The following DYNC2H1 variants were observed in gnomAD, a reference collection of about 807,000 sequenced individuals.
The protein encoded by DYNC2H1 is cytoplasmic dynein 2 heavy chain 1.
DYNC2H1 carries 410 observed loss-of-function variants against 570.0 expected under a neutral mutation model. That is an observed-to-expected ratio of 0.72 (90% CI 0.66 to 0.78). DYNC2H1 has a LOEUF of 0.78. DYNC2H1 is among the 30% of genes least tolerant of loss of function. DYNC2H1 has a pLI of 0.00. For missense variants in DYNC2H1, 4,865 were observed against 5,046.4 expected (o/e 0.96, Z 1.09); for synonymous variants, 1,688 against 1,677.6 (o/e 1.01, Z -0.15).
intron 79 of DYNC2H1, among the ~76,000 whole-genome samples, chr11:103,313,858 A>G (rs3906627): frequency 0.17 from 25,178 of 152,038 alleles, 2,266 homozygotes; most frequent in Admixed American, 0.25. Flanking sequence ...ACTTATGGGG[A>G]GGACTCATTG....
At chr11:103,143,124 G>A in intron 17 of DYNC2H1, 144 bp from the exon 18 acceptor site, 3 of 723,642 alleles carry the variant, frequency 4.1e-6, no homozygotes, top group Admixed American at 6.0e-5. Flanking sequence ...AGGCTGTGCA[G>A]TAATGATTAT....
At chr11:103,455,759 T>C (rs313873) in intron 86 of DYNC2H1, among the ~76,000 whole-genome samples, 44,559 of 152,006 alleles carry the variant, frequency 0.29, 7,726 homozygotes, top group African/African-American at 0.48. Context: ...ACTAGGCTCC[T>C]TGGTGGAGAA....
rs1862209717 is a variant in DYNC2H1, at chr11:103,189,504, A to G, written c.7293-168A>G. 6.6e-6 allele frequency among the ~76,000 whole-genome samples: 1 copy of G among 152,140 alleles called. No homozygotes were observed. The highest frequency in any genetic ancestry group is 2.4e-5 in the African/African-American group (1 of 41,446). ...TTCGGGATCGAATTTGGTTGAAATGAGAATGGATCGGGGCGATGAGCCTAG... is the reference window on the plus strand; with the variant it reads ...TTCGGGATCGAATTTGGTTGAAATGGGAATGGATCGGGGCGATGAGCCTAG... On this transcript the variant is annotated intron_variant, in intron 44 of 88. Coordinates refer to ENST00000375735, the MANE Select transcript of DYNC2H1 (RefSeq NM_001377.3). The surrounding 1 kb of genome is among the most constrained non-coding windows in gnomAD (Gnocchi z 4.3).
intron 83 of DYNC2H1, among the ~76,000 whole-genome samples, chr11:103,392,936 T>C (rs1328060082): frequency 6.6e-6 from 1 of 151,488 alleles, no homozygotes; most frequent in Non-Finnish European, 1.5e-5. Flanking sequence ...CAGGCTGGAG[T>C]GCAATGGTGT....
chr11:103,240,068 A>T (rs1864371241), intron 63 of DYNC2H1, among the ~76,000 whole-genome samples: 1 of 152,150 alleles, frequency 6.6e-6, no homozygotes, highest in South Asian at 2.1e-4. Context: ...GTTATAGCAC[A>T]TTTAAGGGAA....
rs189626457 is a variant in DYNC2H1, at chr11:103,185,633, C to A, written c.6633+582C>A. On this transcript the variant is annotated intron_variant, in intron 41 of 88. Coordinates refer to ENST00000375735, the MANE Select transcript of DYNC2H1 (RefSeq NM_001377.3). This position sits in a 1 kb window ranked among gnomAD's most constrained non-coding sequence, Gnocchi z 4.5. ...CATTTTGCTGCTTCTTTGATAGTGT[C>A]ATTTACTGCTTTCTCTATTCCGTCT... Among the ~76,000 whole-genome samples the A allele has an allele frequency of 4.1e-4, 62 of 151,754 alleles. No homozygotes were observed. Among genetic ancestry groups the A allele is most frequent in the Admixed American group, 1.4e-3 (22 of 15,176 alleles).
chr11:103,168,664 C>T (rs1861435131), intron 31 of DYNC2H1, 91 bp from the exon 32 acceptor site: 1 of 1,308,684 alleles, frequency 7.6e-7, no homozygotes, highest in Non-Finnish European at 1.1e-6. Flanking sequence ...CATTTAAATT[C>T]ATGGAGAAAT....
chr11:103,390,152 A>C (rs1340875725), intron 83 of DYNC2H1, among the ~76,000 whole-genome samples: 3 of 152,122 alleles, frequency 2.0e-5, no homozygotes, highest in African/African-American at 4.8e-5. Context: ...GTAGGTCTCT[A>C]AGGACTTCCT....
intron 84 of DYNC2H1, among the ~76,000 whole-genome samples, chr11:103,424,540 T>C (rs1432958079): frequency 6.6e-6 from 1 of 152,020 alleles, no homozygotes; most frequent in East Asian, 1.9e-4. Context: ...TTTTTAAGAG[T>C]CAAAAACTAG....
At chr11:103,396,847 C>T (rs1450484954) in intron 83 of DYNC2H1, among the ~76,000 whole-genome samples, 3 of 152,084 alleles carry the variant, frequency 2.0e-5, no homozygotes, top group African/African-American at 7.2e-5. Context: ...GAGCTGAAGG[C>T]CATTATCCTC....
At chr11:103,288,822 A>G (rs1483605039) in intron 75 of DYNC2H1, among the ~76,000 whole-genome samples, 3 of 149,422 alleles carry the variant, frequency 2.0e-5, no homozygotes, top group African/African-American at 7.4e-5. Context: ...CGGAGGTTGC[A>G]ATGAGGAGAT....
chr11:103,285,530 C>T (rs1441037541), intron 73 of DYNC2H1, among the ~76,000 whole-genome samples: 1 of 146,874 alleles, frequency 6.8e-6, no homozygotes, highest in African/African-American at 2.5e-5. Flanking sequence ...TCAAGTGATT[C>T]TCCTGCCTCA....
Position 103,323,974 on chromosome 11 carries a change from G to T in DYNC2H1, c.12023G>T (p.Arg4008Leu), listed in dbSNP as rs368508015. 6.2e-7 allele frequency: 1 copy of T among 1,610,640 alleles called. No homozygotes were observed. The highest frequency in any genetic ancestry group is 2.2e-5 in the East Asian group (1 of 44,790). The change falls in exon 82 of 89, where the codon CGC becomes CTC. Residue 4008 changes from arginine to leucine, a missense_variant. Transcript: ENST00000375735. Reference sequence around the variant, plus strand: ...GCCAATATCGCTCGCTCATCTCAGCGCATGATCAGTTCTCAGGTAACCTAA... The same window carrying T: ...GCCAATATCGCTCGCTCATCTCAGCTCATGATCAGTTCTCAGGTAACCTAA... ...LPANIARSSQ[R>L]MISSQVISQL... is the part of the protein sequence containing the mutation.
In DYNC2H1 at chr11:103,199,405, G is replaced by A; in HGVS notation, c.8017G>A (p.Gly2673Arg). 1 of 1,612,794 alleles carries A rather than the reference G, an allele frequency of 6.2e-7. No individual in the cohort carries two copies. The highest frequency in any genetic ancestry group is 8.5e-7 in the Non-Finnish European group (1 of 1,179,454). The stretch of plus-strand genomic sequence containing the variant: ...CACTTCTTTAGTCAGTCACATGCAT[G>A]GAGCGGTCCTGTTTTCTCCAAAGAT... ...TITSLVSHMH[G>R]AVLFSPKISR... The change falls in exon 49 of 89, where the codon GGA (glycine) becomes AGA (arginine). Residue 2673 changes from glycine to arginine, a missense_variant. Around this residue, in one of 5 missense-constraint regions of DYNC2H1, gnomAD observed 2,401 missense variants for 2,454.6 expected, o/e 0.98. Transcript: ENST00000375735. This position sits in a 1 kb window ranked among gnomAD's most constrained non-coding sequence, Gnocchi z 4.6.
rs1945013660 is a variant in DYNC2H1, at chr11:103,461,609, G to A, written c.12648+5253G>A. Among the ~76,000 whole-genome samples, 1 of 152,154 alleles carries A rather than the reference G, an allele frequency of 6.6e-6. No homozygotes were observed. Among genetic ancestry groups the A allele is most frequent in the Admixed American group, 6.5e-5 (1 of 15,274 alleles). On this transcript the variant is annotated intron_variant, in intron 87 of 88. Coordinates refer to ENST00000375735, the MANE Select transcript of DYNC2H1 (RefSeq NM_001377.3). The surrounding 1 kb of genome is among the most constrained non-coding windows in gnomAD (Gnocchi z 4.8). The stretch of plus-strand genomic sequence containing the variant: ...CACTTCGAGTGCTCAGTAGCCATAT[G>A]CGGTATAGTATATACAGTAACCACA...
chr11:103,284,527 A>G (rs1287981483), intron 73 of DYNC2H1, among the ~76,000 whole-genome samples: 2 of 149,498 alleles, frequency 1.3e-5, no homozygotes. Flanking sequence ...CATGATGATA[A>G]TATAATGTGT....
chr11:103,274,510 CTA>C (rs34235768), intron 70 of DYNC2H1, among the ~76,000 whole-genome samples: 28 of 151,932 alleles, frequency 1.8e-4, no homozygotes, highest in East Asian at 1.7e-3. Flanking sequence ...TTACCTTAAA[CTA>C]TATGTTATTA....
intron 59 of DYNC2H1, among the ~76,000 whole-genome samples, chr11:103,229,318 C>T (rs1212588613): frequency 6.6e-6 from 1 of 152,224 alleles, no homozygotes; most frequent in African/African-American, 2.4e-5. Context: ...TAAGTCTCCA[C>T]ATGCTCCTCT....
rs757701499 is a variant in DYNC2H1, at chr11:103,188,497, G to T, written c.7141G>T (p.Val2381Leu). Residue 2381 changes from valine to leucine, a missense_variant and splice_region_variant, in exon 44 of 89, where the codon GTA (valine) becomes TTA (leucine). By Grantham distance (32) the Val-to-Leu change is conservative. Transcript: ENST00000375735. ...TTAAAATATATTTATTTTCAAATAG[G>T]TATTGACGTATCAAGGATTTTATGA... Reference protein sequence around the residue: ...TSTLVAFLQQVLTYQGFYDEN... With the variant: ...TSTLVAFLQQLLTYQGFYDEN... The T allele has an allele frequency of 1.2e-5, 19 of 1,583,682 alleles. No individual in the cohort carries two copies. Among genetic ancestry groups the T allele is most frequent in the Non-Finnish European group, 1.6e-5 (19 of 1,158,556 alleles).
Sources: gnomAD v4.1 joint callset for allele counts (sites outside exome capture counted in the v4.1 genomes callset) on GRCh38, gnomAD v4.1.1 for gene constraint, gnomAD v4.1.1 regional missense constraint, Gnocchi (gnomAD v3.1) non-coding constraint, MANE v1.5 for transcripts, NCBI Gene and HGNC (gene_info 2026-07-23, HGNC 2026-07-21) for gene names.